Variants in PRKCA observed in about 807,000 individuals in gnomAD.
The protein encoded by PRKCA is protein kinase C alpha type.
A neutral mutation model predicts 87.0 loss-of-function variants in PRKCA; 27 were observed. The observed-to-expected ratio is 0.31, with a 90% CI of 0.23 to 0.43. The LOEUF (loss-of-function observed/expected upper bound fraction) is 0.43, where lower values mean the gene tolerates loss of function less well. PRKCA is among the 20% of genes least tolerant of loss of function. The pLI is 1.00. For missense variants in PRKCA, 518 were observed against 852.3 expected, an observed-to-expected ratio of 0.61 and a Z score of 4.88; for synonymous variants, 329 against 311.1, an observed-to-expected ratio of 1.06 and a Z score of -0.61.
intron 8 of PRKCA, among the ~76,000 whole-genome samples, chr17:66,723,131 G>A (rs1417082545): frequency 6.7e-6 from 1 of 150,160 alleles, no homozygotes; most frequent in Non-Finnish European, 1.5e-5. Context: ...CTCCTGCAAA[G>A]CCCATTTGTA....
At chr17:66,730,483 A>T (rs964473015) in intron 8 of PRKCA, among the ~76,000 whole-genome samples, 6 of 152,210 alleles carry the variant, frequency 3.9e-5, no homozygotes, top group African/African-American at 1.2e-4. Flanking sequence ...TGGATTATTC[A>T]TGAGTTTTCT....
chr17:66,350,884 C>T (rs1048025240), intron 2 of PRKCA, among the ~76,000 whole-genome samples: 5 of 152,210 alleles, frequency 3.3e-5, no homozygotes, highest in African/African-American at 1.2e-4. Context: ...AATGCACAGT[C>T]CAGAGGCATG....
At chr17:66,546,754 TG>T (rs1968156182) in intron 3 of PRKCA, among the ~76,000 whole-genome samples, 2 of 152,246 alleles carry the variant, frequency 1.3e-5, no homozygotes, top group Admixed American at 1.3e-4. Flanking sequence ...TTCGAGATAT[TG>T]TTTTGGGGAA....
intron 3 of PRKCA, among the ~76,000 whole-genome samples, chr17:66,512,270 C>G (rs547898364): frequency 6.6e-6 from 1 of 151,942 alleles, no homozygotes; most frequent in African/African-American, 2.4e-5. Context: ...GGTGAAACCC[C>G]GTCTCTACTA....
intron 8 of PRKCA, among the ~76,000 whole-genome samples, chr17:66,698,578 G>A (rs1339592534): frequency 3.3e-5 from 5 of 152,196 alleles, no homozygotes; most frequent in African/African-American, 1.2e-4. Flanking sequence ...GAAAAGGAAT[G>A]AAGAAAGCCT....
At chr17:66,533,480 G>T (rs888490345) in intron 3 of PRKCA, among the ~76,000 whole-genome samples, 2 of 152,156 alleles carry the variant, frequency 1.3e-5, no homozygotes, top group Admixed American at 1.3e-4. Flanking sequence ...GAAACAAGTC[G>T]CACCCAAGGC....
intron 2 of PRKCA, among the ~76,000 whole-genome samples, chr17:66,353,132 T>C (rs1482917912): frequency 1.3e-5 from 2 of 152,170 alleles, no homozygotes; most frequent in African/African-American, 2.4e-5. Context: ...TGGCTATGAT[T>C]TGCATTAAAC....
chr17:66,442,398 C>A (rs896511926), intron 2 of PRKCA, among the ~76,000 whole-genome samples: 21 of 152,026 alleles, frequency 1.4e-4, no homozygotes, highest in African/African-American at 5.1e-4. Flanking sequence ...CTCACCTGGC[C>A]TCCCTGTACC....
chr17:66,630,525 G>A (rs1970981873), intron 3 of PRKCA, among the ~76,000 whole-genome samples: 1 of 152,210 alleles, frequency 6.6e-6, no homozygotes. Context: ...CTGTCGTTCA[G>A]TTTCACCTCT....
chr17:66,376,196 C>T (rs1247965792), intron 2 of PRKCA, among the ~76,000 whole-genome samples: 1 of 152,146 alleles, frequency 6.6e-6, no homozygotes, highest in African/African-American at 2.4e-5. Flanking sequence ...TAACCACCCT[C>T]CCCTGACTGA....
At chr17:66,660,997 G>A (rs577886849) in intron 5 of PRKCA, among the ~76,000 whole-genome samples, 9 of 152,266 alleles carry the variant, frequency 5.9e-5, no homozygotes, top group South Asian at 2.1e-4. Context: ...CTAGAGTATC[G>A]TGAAACGCAA....
intron 14 of PRKCA, chr17:66,777,674 G>A: frequency 1.0e-6 from 1 of 985,264 alleles, no homozygotes; most frequent in Non-Finnish European, 1.2e-6. Flanking sequence ...GATCCCACTT[G>A]AATGTTCAGC....
At chr17:66,552,673 C>T (rs138215751) in intron 3 of PRKCA, among the ~76,000 whole-genome samples, 36 of 152,326 alleles carry the variant, frequency 2.4e-4, no homozygotes, top group Middle Eastern at 3.4e-3. Context: ...CCAGCAAGAT[C>T]GCAGTCATGG....
intron 2 of PRKCA, among the ~76,000 whole-genome samples, chr17:66,317,636 T>A (rs1905393541): frequency 6.6e-6 from 1 of 151,912 alleles, no homozygotes; most frequent in Non-Finnish European, 1.5e-5. Flanking sequence ...ATTTTTTTCC[T>A]TCTCTTAGGT....
At chr17:66,681,200 G>A (rs769864706) in intron 5 of PRKCA, among the ~76,000 whole-genome samples, 3 of 152,208 alleles carry the variant, frequency 2.0e-5, no homozygotes, top group Non-Finnish European at 2.9e-5. Flanking sequence ...CTGCACTCCA[G>A]CCTGGGTGAC....
At chr17:66,693,752 G>A (rs1972842099) in intron 8 of PRKCA, among the ~76,000 whole-genome samples, 1 of 152,310 alleles carries the variant, frequency 6.6e-6, no homozygotes, top group Non-Finnish European at 1.5e-5. Flanking sequence ...GGGCCATGCG[G>A]TGTCTGGTAT....
chr17:66,524,708 C>T (rs1967285147), intron 3 of PRKCA, among the ~76,000 whole-genome samples: 1 of 152,182 alleles, frequency 6.6e-6, no homozygotes, highest in Non-Finnish European at 1.5e-5. Context: ...AATCTCTGTG[C>T]TCACAGAGCT....
At chr17:66,633,637 T>C (rs1215194601) in intron 3 of PRKCA, among the ~76,000 whole-genome samples, 1 of 152,282 alleles carries the variant, frequency 6.6e-6, no homozygotes, top group Admixed American at 6.5e-5. Context: ...CAATGACAGA[T>C]AGTTTGGTCC....
chr17:66,476,441 G>A (rs563218936), intron 2 of PRKCA, among the ~76,000 whole-genome samples: 4 of 152,160 alleles, frequency 2.6e-5, no homozygotes, highest in Non-Finnish European at 5.9e-5. Flanking sequence ...GAGGGAGGCC[G>A]TGAGGAGCCC....
Sources: allele counts gnomAD v4.1 joint callset (sites outside exome capture counted in the v4.1 genomes callset), GRCh38; gene constraint gnomAD v4.1.1; transcripts MANE v1.5; gene names NCBI Gene and HGNC (gene_info 2026-07-23, HGNC 2026-07-21).